The following SMAD3 variants were observed in gnomAD, a reference collection of about 807,000 sequenced individuals.
SMAD3 encodes the protein SMAD family member 3.
A neutral mutation model predicts 51.8 loss-of-function variants in SMAD3; 12 were observed. The observed-to-expected ratio is 0.23, with a 90% CI of 0.15 to 0.38. SMAD3 has a LOEUF of 0.38. Among genes scored for constraint, SMAD3 ranks in the 10% least tolerant of loss-of-function variants. The pLI, the probability that SMAD3 is intolerant of heterozygous loss-of-function variation, is 1.00. For missense variants in SMAD3, 294 were observed against 565.6 expected (o/e 0.52, Z 4.87); for synonymous variants, 238 against 227.7 (o/e 1.05, Z -0.41).
In SMAD3 at chr15:67,194,659, C is replaced by G. The variant is rs1963456943; in HGVS notation, c.*4123C>G. ...GACAGTGGCTGGAAGAGTTGGGGCA[C>G]AGCCAGTTCTGAATGTTGGTGGAGG... On this transcript the variant is annotated 3_prime_UTR_variant, in exon 9 of 9. Transcript: ENST00000327367. 4.3e-6 allele frequency: 1 copy of G among 231,868 alleles called. No individual in the cohort carries two copies. Among genetic ancestry groups the G allele is most frequent in the South Asian group, 1.8e-4 (1 of 5,506 alleles). The allele number at this position is 231,868 out of a possible 1,614,324, so 14.4% of individuals were successfully genotyped here.
rs956343984 is a variant in SMAD3, at chr15:67,136,429, T to C, written c.207-28466T>C. On this transcript the variant is annotated intron_variant, in intron 1 of 8. Coordinates refer to ENST00000327367, the MANE Select transcript of SMAD3 (RefSeq NM_005902.4). ...CTCACTGCAACCTCCGCCTTCCGGA[T>C]TCAAGCAATTCTGCTTCAGCCTCCT... Among the ~76,000 whole-genome samples, 14 of 152,018 alleles carry C rather than the reference T, an allele frequency of 9.2e-5. 1 individual carries two copies. The highest frequency in any genetic ancestry group is 3.3e-4 in the Admixed American group (5 of 15,256).
At chr15:67,075,630 A>G (rs1219687573) in intron 1 of SMAD3, among the ~76,000 whole-genome samples, 1 of 152,144 alleles carries the variant, frequency 6.6e-6, no homozygotes, top group Non-Finnish European at 1.5e-5. Flanking sequence ...AATCAACCCA[A>G]GTGGCCGGGC....
intron 1 of SMAD3, among the ~76,000 whole-genome samples, chr15:67,101,153 C>A (rs1391385754): frequency 1.3e-5 from 2 of 152,142 alleles, no homozygotes; most frequent in East Asian, 3.8e-4. Context: ...TCGCTTTGGG[C>A]AGTTAGCGAA....
Position 67,187,430 on chromosome 15 carries a change from G to A in SMAD3, c.1075G>A (p.Gly359Ser). Reference protein sequence around the residue: ...AALLAQSVNQGFEAVYQLTRM... With the variant: ...AALLAQSVNQSFEAVYQLTRM... ...CCTCCTGGCCCAGTCGGTCAACCAG[G>A]GCTTTGAGGCTGTCTACCAGTTGAC... The change falls in exon 8 of 9, where the codon GGC becomes AGC. Residue 359 changes from glycine to serine, a missense_variant. Gly to Ser is a moderately conservative substitution (Grantham distance 56). Around this residue, in one of 3 missense-constraint regions of SMAD3, gnomAD observed 118 missense variants for 278.0 expected, o/e 0.42. Transcript: ENST00000327367. 1 of 1,614,186 alleles carries A rather than the reference G, an allele frequency of 6.2e-7. No individual in the cohort carries two copies. The highest frequency in any genetic ancestry group is 8.5e-7 in the Non-Finnish European group (1 of 1,180,032).
chr15:67,083,172 C>A (rs1960314374), intron 1 of SMAD3, among the ~76,000 whole-genome samples: 1 of 152,232 alleles, frequency 6.6e-6, no homozygotes, highest in Admixed American at 6.5e-5. Context: ...GAGGCTGGTT[C>A]TGTTTGCCTC....
At chr15:67,171,068 TAAAGTC>T (rs1962738639) in intron 5 of SMAD3, among the ~76,000 whole-genome samples, 1 of 152,204 alleles carries the variant, frequency 6.6e-6, no homozygotes, top group Admixed American at 6.5e-5. Flanking sequence ...AATTTGAAAA[TAAAGTC>T]AAAGTGCCCA....
chr15:67,192,839 G>C lies in SMAD3; in HGVS notation c.*2303G>C, dbSNP rs886051415. 1 of 233,286 alleles carries C rather than the reference G, an allele frequency of 4.3e-6. No individual in the cohort carries two copies. The highest frequency in any genetic ancestry group is 8.5e-6 in the Non-Finnish European group (1 of 117,974). 14.5% of individuals were successfully genotyped at this position (233,286 alleles called of 1,614,324 possible). A position where few individuals can be genotyped will look rare whatever the true frequency, so the allele number is the denominator to read the frequency against. On this transcript the variant is annotated 3_prime_UTR_variant, in exon 9 of 9. Transcript: ENST00000327367. The stretch of plus-strand genomic sequence containing the variant: ...ATGACACGTTTGGCTGCATTTGGAT[G>C]GTGTCTTAGAACCCTCATTGCTCAG...
intron 6 of SMAD3, among the ~76,000 whole-genome samples, chr15:67,182,997 AAAAAT>A (rs1205764407): frequency 0.06 from 3,389 of 56,022 alleles, 74 homozygotes; most frequent in Non-Finnish European, 0.079. Context: ...AAAAAAAAAA[AAAAAT>A]ATATATATAT....
chr15:67,085,805 G>A (rs899963185), intron 1 of SMAD3, among the ~76,000 whole-genome samples: 1 of 151,810 alleles, frequency 6.6e-6, no homozygotes, highest in African/African-American at 2.4e-5. Flanking sequence ...GTAAAGCTGT[G>A]TTCAGTGTTA....
chr15:67,081,254 A>G (rs1198647369), intron 1 of SMAD3, among the ~76,000 whole-genome samples: 2 of 152,186 alleles, frequency 1.3e-5, no homozygotes, highest in African/African-American at 4.8e-5. Flanking sequence ...GCTCCAGTGC[A>G]TCAGATAGTC....
At chr15:67,096,670 G>T (rs1960621376) in intron 1 of SMAD3, among the ~76,000 whole-genome samples, 2 of 151,962 alleles carry the variant, frequency 1.3e-5, no homozygotes, top group African/African-American at 4.8e-5. Context: ...TGCACAAAGG[G>T]TTCCATATTT....
chr15:67,184,048 ACTT>A (rs1367026543), intron 6 of SMAD3, among the ~76,000 whole-genome samples: 2 of 151,524 alleles, frequency 1.3e-5, no homozygotes, highest in Non-Finnish European at 2.9e-5. Context: ...GACACCAGGC[ACTT>A]ACTGTGTGTC....
chr15:67,130,532 C>A lies in SMAD3; in HGVS notation c.207-34363C>A, dbSNP rs527582882. On this transcript the variant is annotated intron_variant, in intron 1 of 8. Coordinates refer to ENST00000327367, the MANE Select transcript of SMAD3 (RefSeq NM_005902.4). The stretch of plus-strand genomic sequence containing the variant: ...ATTGGAGGGATCTAGGTTGCACACT[C>A]CATATCAGAATCTAATGCCTGATGA... 1.9e-4 allele frequency among the ~76,000 whole-genome samples: 29 copies of A among 152,316 alleles called. 1 individual carries two copies. The highest frequency in any genetic ancestry group is 1.8e-3 in the Admixed American group (27 of 15,304).
intron 1 of SMAD3, among the ~76,000 whole-genome samples, chr15:67,156,375 A>C (rs370910844): frequency 3.3e-4 from 51 of 152,332 alleles, no homozygotes; most frequent in African/African-American, 1.2e-3. Context: ...AATTGACTCT[A>C]AGGCCTCTAG....
At chr15:67,092,650 TG>T (rs901061930) in intron 1 of SMAD3, among the ~76,000 whole-genome samples, 1 of 152,092 alleles carries the variant, frequency 6.6e-6, no homozygotes, top group Non-Finnish European at 1.5e-5. Flanking sequence ...AGGAGGGTGC[TG>T]GGGGTAGGAG....
In SMAD3 at chr15:67,191,057, C is replaced by CCCCA; in HGVS notation, c.*521_*522insCCCA. The CCCCA allele has an allele frequency of 4.2e-6, 1 of 237,876 alleles. No individual in the cohort carries two copies. The allele number at this position is 237,876 out of a possible 1,614,324, so 14.7% of individuals were successfully genotyped here. A position where few individuals can be genotyped will look rare whatever the true frequency, so the allele number is the denominator to read the frequency against. ...CCAGCCCCGCCCCGCCCCGCCCCAC[C>CCCCA]ACTCCAGCAGACCTTGCCCCTTGTG... On this transcript the variant is annotated 3_prime_UTR_variant, in exon 9 of 9. Coordinates refer to ENST00000327367, the MANE Select transcript of SMAD3 (RefSeq NM_005902.4).
Position 67,181,330 on chromosome 15 carries a change from G to A in SMAD3, c.748G>A (p.Ala250Thr), listed in dbSNP as rs2140314085. The change falls in exon 6 of 9, where the codon GCC (alanine) becomes ACC (threonine). Residue 250 changes from alanine (A) to threonine (T), a missense_variant. Physicochemically the swap from Ala to Thr is moderately conservative, Grantham distance 58. Around this residue, in one of 3 missense-constraint regions of SMAD3, gnomAD observed 118 missense variants for 278.0 expected, o/e 0.42. Coordinates refer to ENST00000327367, the MANE Select transcript of SMAD3 (RefSeq NM_005902.4). ...CCAGCGCGTCGGGGAGACATTCCACGCCTCGCAGCCATCCATGACTGTGGA... is the reference window on the plus strand; with the variant it reads ...CCAGCGCGTCGGGGAGACATTCCACACCTCGCAGCCATCCATGACTGTGGA... ...LNQRVGETFH[A>T]SQPSMTVDGF... is the part of the protein sequence containing the mutation. 1.9e-6 allele frequency: 3 copies of A among 1,614,000 alleles called. No individual in the cohort carries two copies. The highest frequency in any genetic ancestry group is 2.5e-6 in the Non-Finnish European group (3 of 1,180,014).
At chr15:67,147,141 G>A (rs1961999823) in intron 1 of SMAD3, among the ~76,000 whole-genome samples, 1 of 152,152 alleles carries the variant, frequency 6.6e-6, no homozygotes, top group South Asian at 2.1e-4. Flanking sequence ...GTGATGTGTG[G>A]TGTTCTGAGA....
intron 1 of SMAD3, among the ~76,000 whole-genome samples, chr15:67,151,727 T>A (rs915677428): frequency 6.6e-6 from 1 of 152,206 alleles, no homozygotes; most frequent in African/African-American, 2.4e-5. Flanking sequence ...ATGGGATACA[T>A]AGTGATGTTT....
Sources: allele counts gnomAD v4.1 joint callset (sites outside exome capture counted in the v4.1 genomes callset), GRCh38; gene constraint gnomAD v4.1.1; regional missense constraint gnomAD v4.1.1; transcripts MANE v1.5; gene names NCBI Gene and HGNC (gene_info 2026-07-23, HGNC 2026-07-21).